FA2H: variants seen among roughly 807,000 people sequenced by gnomAD.
FA2H encodes the protein fatty acid 2-hydroxylase, also known as fatty acid alpha-hydroxylase.
FA2H carries 22 observed loss-of-function variants against 44.9 expected under a neutral mutation model. That is an observed-to-expected ratio of 0.49 (90% CI 0.35 to 0.70). The LOEUF is 0.70. FA2H is among the 30% of genes least tolerant of loss of function. FA2H has a pLI of 0.01. For missense variants in FA2H, 501 were observed against 504.9 expected (o/e 0.99, Z 0.07); for synonymous variants, 243 against 213.2 (o/e 1.14, Z -1.22).
chr16:74,739,316 A>C (rs1467580268), intron 2 of FA2H, among the ~76,000 whole-genome samples: 2 of 152,120 alleles, frequency 1.3e-5, no homozygotes, highest in Non-Finnish European at 2.9e-5. Flanking sequence ...CTAAGCTGGA[A>C]GGAAATGGCA....
At chr16:74,728,867 C>G (rs1962014178) in intron 2 of FA2H, among the ~76,000 whole-genome samples, 1 of 149,562 alleles carries the variant, frequency 6.7e-6, no homozygotes, top group Admixed American at 6.7e-5. Flanking sequence ...ACTGCAACCT[C>G]CGCCTCCTGG....
rs1471329960 is a variant in FA2H, at chr16:74,719,023, T to C, written c.751A>G (p.Met251Val). Residue 251 changes from methionine (M) to valine (V), a missense_variant, in exon 5 of 7, where the codon ATG becomes GTG. Physicochemically the swap from Met to Val is conservative, Grantham distance 21. Transcript: ENST00000219368. ...KPPSDSYYLI[M>V]LHFVMHGQHH... ...TGGCCGTGCATGACGAAGTGCAGCATGATGAGGTAATAGCTGTCGCTGGGG... is the reference window on the plus strand; with the variant it reads ...TGGCCGTGCATGACGAAGTGCAGCACGATGAGGTAATAGCTGTCGCTGGGG... The C allele has an allele frequency of 1.2e-6, 2 of 1,613,838 alleles. No individual in the cohort carries two copies. Among genetic ancestry groups the C allele is most frequent in the Non-Finnish European group, 1.7e-6 (2 of 1,180,010 alleles).
At chr16:74,720,328 C>T (rs1567634523) in intron 4 of FA2H, among the ~76,000 whole-genome samples, 1 of 150,582 alleles carries the variant, frequency 6.6e-6, no homozygotes, top group African/African-American at 2.4e-5. Flanking sequence ...CCTGAGTAGC[C>T]GGGATTACAG....
chr16:74,737,828 C>T (rs1347305112), intron 2 of FA2H, among the ~76,000 whole-genome samples: 1 of 152,100 alleles, frequency 6.6e-6, no homozygotes, highest in Admixed American at 6.5e-5. Context: ...TCCTCCATGT[C>T]CCGATCCAAA....
chr16:74,766,985 G>A (rs1420552085), intron 1 of FA2H, among the ~76,000 whole-genome samples: 1 of 152,002 alleles, frequency 6.6e-6, no homozygotes, highest in South Asian at 2.1e-4. Context: ...CTCGATCTGG[G>A]TGGTGGCAAC....
chr16:74,744,387 G>A (rs1445415754), intron 1 of FA2H, among the ~76,000 whole-genome samples: 1 of 151,556 alleles, frequency 6.6e-6, no homozygotes, highest in African/African-American at 2.4e-5. Flanking sequence ...ACCAAAAAGT[G>A]CCTCAAATGA....
chr16:74,716,910 A>G (rs987166399), intron 5 of FA2H: 29 of 383,860 alleles, frequency 7.6e-5, no homozygotes, highest in Admixed American at 4.2e-4. Flanking sequence ...TATAGAGGCC[A>G]CTGTGACTCT....
chr16:74,760,970 G>A (rs1002478475), intron 1 of FA2H, among the ~76,000 whole-genome samples: 52 of 152,102 alleles, frequency 3.4e-4, no homozygotes, highest in Admixed American at 3.4e-3. Context: ...GGGGTGGGAG[G>A]AGGGAGAGCA....
At chr16:74,718,923 G>A (rs111306468) in intron 5 of FA2H, 65 bp downstream of exon 5, 98 of 1,581,030 alleles carry the variant, frequency 6.2e-5, no homozygotes, top group African/African-American at 2.8e-4. Flanking sequence ...CTGAAGCTGC[G>A]GCTGGCTGCC....
chr16:74,738,092 T>G (rs1372538445), intron 2 of FA2H, among the ~76,000 whole-genome samples: 1 of 152,158 alleles, frequency 6.6e-6, no homozygotes, highest in African/African-American at 2.4e-5. Flanking sequence ...GGGGTTCCCA[T>G]GCACACCCGG....
rs1961616835 is a variant in FA2H, at chr16:74,713,285, A to AT, written c.*904_*905insA. The AT allele has an allele frequency of 6.5e-6, 1 of 152,676 alleles. No homozygotes were observed. The highest frequency in any genetic ancestry group is 6.5e-5 in the Admixed American group (1 of 15,284). The allele number at this position is 152,676 out of a possible 1,614,324, so 9.5% of individuals were successfully genotyped here. On this transcript the variant is annotated 3_prime_UTR_variant, in exon 7 of 7. Transcript: ENST00000219368. ...GACTAAGAACATGTATCTGGTTTATAAATAAGACCGTCCTGGGAGCAGTGA... is the reference window on the plus strand; with the variant it reads ...GACTAAGAACATGTATCTGGTTTATATAATAAGACCGTCCTGGGAGCAGTGA...
Position 74,726,053 on chromosome 16 carries a change from G to T in FA2H, c.613+172C>A. The stretch of plus-strand genomic sequence containing the variant: ...TTTGTATCCATTTGGGGGGTAGATG[G>T]GAGTCAGACAAAATTCTTCTTTGGA... On this transcript the variant is annotated intron_variant, in intron 4 of 6. Coordinates refer to ENST00000219368, the MANE Select transcript of FA2H (RefSeq NM_024306.5). 3.2e-6 allele frequency: 2 copies of T among 618,256 alleles called. 1 individual carries two copies. The highest frequency in any genetic ancestry group is 3.5e-5 in the South Asian group (2 of 57,060). The allele number at this position is 618,256 out of a possible 1,614,324, so 38.3% of individuals were successfully genotyped here.
At chr16:74,758,117 C>CTTTTTTT (rs71378706) in intron 1 of FA2H, among the ~76,000 whole-genome samples, 1 of 113,576 alleles carries the variant, frequency 8.8e-6, no homozygotes, top group Non-Finnish European at 1.7e-5. Context: ...GGAAACAATT[C>CTTTTTTT]TTTTTTTTTT....
In FA2H at chr16:74,727,402, C is replaced by G. The variant is rs1480016768; in HGVS notation, c.364-16G>C. On this transcript the variant is annotated splice_polypyrimidine_tract_variant and intron_variant, in intron 2 of 6. Coordinates refer to ENST00000219368, the MANE Select transcript of FA2H (RefSeq NM_024306.5). ...CCACCAGGTCCTGCAAGAGATGAAG[C>G]CAAGTGGACGTTTGATATTCACGTC... 1 of 1,613,988 alleles carries G rather than the reference C, an allele frequency of 6.2e-7. No individual in the cohort carries two copies. Among genetic ancestry groups the G allele is most frequent in the Non-Finnish European group, 8.5e-7 (1 of 1,179,984 alleles).
chr16:74,758,445 G>A (rs934114939), intron 1 of FA2H, among the ~76,000 whole-genome samples: 6 of 151,786 alleles, frequency 4.0e-5, no homozygotes, highest in East Asian at 3.9e-4. Context: ...TTGCACGTTC[G>A]TCTTAACTAT....
At position 74,726,238 on chromosome 16, in the gene FA2H, C is replaced by A; in HGVS notation, c.600G>T (p.Thr200=). ...AACTGGCATTACCTGTTGTAAATGA[C>A]GTGAAGAGTCGGACGTTGCCCTGGG... The part of the protein sequence containing the change: ...TFAQGNVRLF[T]SFTTEYTVAV... The change falls in exon 4 of 7, where the codon ACG becomes ACT. Residue 200 remains threonine, a synonymous_variant. Coordinates refer to ENST00000219368, the MANE Select transcript of FA2H (RefSeq NM_024306.5). 1 of 1,612,248 alleles carries A rather than the reference C, an allele frequency of 6.2e-7. No homozygotes were observed. Among genetic ancestry groups the A allele is most frequent in the Non-Finnish European group, 8.5e-7 (1 of 1,178,418 alleles).
intron 1 of FA2H, among the ~76,000 whole-genome samples, chr16:74,746,375 ATTAT>A (rs948048753): frequency 2.0e-4 from 17 of 85,030 alleles, no homozygotes; most frequent in African/African-American, 7.0e-4. Context: ...TATTATTATT[ATTAT>A]TTTTTTTTTG....
rs541507213 is a variant in FA2H at position 74,716,555 on chromosome 16, G to A, written c.831C>T (p.Ala277=). 4.6e-5 allele frequency: 73 copies of A among 1,601,686 alleles called. No homozygotes were observed. The Middle Eastern group carries it at 9.9e-4, about 22-fold the overall frequency. ...AGTAGAAGACGCCGATCACCAGGGA[G>A]GCTGGCACAGGGGGGAAGACCAGGC... ...GSRLVFPPVP[A]SLVIGVFYLC... The change falls in exon 6 of 7, where the codon GCC becomes GCT. Residue 277 remains alanine (A), a synonymous_variant. Transcript: ENST00000219368.
intron 4 of FA2H, among the ~76,000 whole-genome samples, chr16:74,721,590 C>T (rs528110763): frequency 6.6e-6 from 1 of 152,332 alleles, no homozygotes; most frequent in South Asian, 2.1e-4. Context: ...TGGAGACTCA[C>T]ACAGCTGTGG....
Sources: allele counts gnomAD v4.1 joint callset (sites outside exome capture counted in the v4.1 genomes callset), GRCh38; gene constraint gnomAD v4.1.1; transcripts MANE v1.5; gene names NCBI Gene and HGNC (gene_info 2026-07-23, HGNC 2026-07-21).